Variants in SVEP1 observed in about 807,000 individuals in gnomAD.
SVEP1 encodes the protein sushi, von Willebrand factor type A, EGF and pentraxin domain containing 1.
SVEP1 carries 164 observed loss-of-function variants against 367.3 expected under a neutral mutation model. The observed-to-expected ratio is 0.45, with a 90% CI of 0.39 to 0.51. SVEP1 has a LOEUF of 0.51. Among genes scored for constraint, SVEP1 ranks in the 20% least tolerant of loss-of-function variants. SVEP1 has a pLI of 0.00. For synonymous variants in SVEP1, 1,666 were observed against 1,611.6 expected (o/e 1.03, Z -0.81); for missense variants, 4,117 against 4,425.3 (o/e 0.93, Z 1.98).
intron 17 of SVEP1, 149 bp downstream of exon 17, chr9:110,468,791 G>A: frequency 1.4e-6 from 1 of 694,480 alleles, no homozygotes; most frequent in Non-Finnish European, 2.2e-6. Context: ...TTGAATAAAT[G>A]TGTATGCTTT....
In SVEP1 at chr9:110,369,924, T is replaced by C. The variant is rs751946841; in HGVS notation, c.10693A>G (p.Arg3565Gly). 149 of 1,611,750 alleles carry C rather than the reference T, an allele frequency of 9.2e-5. No individual in the cohort carries two copies. The highest frequency in any genetic ancestry group is 1.2e-4 in the Non-Finnish European group (144 of 1,178,936). The change falls in exon 47 of 48, where the codon AGG becomes GGG. Residue 3565 changes from arginine to glycine, a missense_variant and splice_region_variant. Around this residue, in one of 4 missense-constraint regions of SVEP1, gnomAD observed 1,765 missense variants for 1,781.1 expected, o/e 0.99. Coordinates refer to ENST00000374469, the MANE Select transcript of SVEP1 (RefSeq NM_153366.4). ...LSSWTGHNCS[R>G]KRRTGF ...AACATTAGTTTTTGGTTATCTTACC[T>C]GGAACAGTTATGTCCCGTCCAAGAA...
chr9:110,402,345 T>A (rs1462892486), intron 39 of SVEP1, among the ~76,000 whole-genome samples: 13 of 152,168 alleles, frequency 8.5e-5, no homozygotes, highest in Non-Finnish European at 1.5e-5. Context: ...TCTTTCAGTA[T>A]TCATTTTTCA....
intron 5 of SVEP1, among the ~76,000 whole-genome samples, chr9:110,508,233 T>G (rs1829653668): frequency 6.6e-6 from 1 of 152,164 alleles, no homozygotes; most frequent in African/African-American, 2.4e-5. Context: ...AAGAGAAAAG[T>G]CTACTTGTAG....
At chr9:110,551,692 C>T (rs1464334647) in intron 1 of SVEP1, among the ~76,000 whole-genome samples, 1 of 152,112 alleles carries the variant, frequency 6.6e-6, no homozygotes, top group Non-Finnish European at 1.5e-5. Context: ...GTTTAAAAAG[C>T]TGCCCTCTTG....
intron 9 of SVEP1, among the ~76,000 whole-genome samples, chr9:110,486,166 A>C (rs1177474781): frequency 6.6e-6 from 1 of 152,252 alleles, no homozygotes; most frequent in African/African-American, 2.4e-5. Context: ...GTACTTTGAG[A>C]ATGCTGAATC....
chr9:110,579,609 C>A lies in SVEP1; in HGVS notation c.-66G>T. The A allele has an allele frequency of 6.9e-7, 1 of 1,458,764 alleles. No individual in the cohort carries two copies. The allele number at this position is 1,458,764 out of a possible 1,614,324, so 90.4% of individuals were successfully genotyped here. On this transcript the variant is annotated 5_prime_UTR_variant, in exon 1 of 48. Transcript: ENST00000374469. The surrounding 1 kb of genome is among the most constrained non-coding windows in gnomAD (Gnocchi z 5.3). Reference sequence around the variant, plus strand: ...GGCTCGGGCGGGAAGAGGCGCTGGGCGGCCGGACTCGCAGAGGGGCGTGCG... The same window carrying A: ...GGCTCGGGCGGGAAGAGGCGCTGGGAGGCCGGACTCGCAGAGGGGCGTGCG...
Position 110,465,909 on chromosome 9 carries a change from G to T in SVEP1, c.3278C>A (p.Thr1093Asn). 1 of 1,613,112 alleles carries T rather than the reference G, an allele frequency of 6.2e-7. No individual in the cohort carries two copies. The highest frequency in any genetic ancestry group is 2.2e-5 in the East Asian group (1 of 44,874). ...SRSCLSCPEN[T>N]STVKRGAVNI... is the part of the protein sequence containing the mutation. ...CACGGCTCCTCTTTTCACAGTTGAG[G>T]TGTTTTCTGGACACGAGAGGCAGCT... Residue 1093 changes from threonine to asparagine, a missense_variant, in exon 18 of 48, where the codon ACC becomes AAC. Around this residue, in one of 4 missense-constraint regions of SVEP1, gnomAD observed 2,174 missense variants for 2,494.3 expected, o/e 0.87. Coordinates refer to ENST00000374469, the MANE Select transcript of SVEP1 (RefSeq NM_153366.4).
At chr9:110,460,266 G>A (rs1304666615) in intron 18 of SVEP1, among the ~76,000 whole-genome samples, 3 of 151,950 alleles carry the variant, frequency 2.0e-5, no homozygotes, top group South Asian at 2.1e-4. Flanking sequence ...GATAATTTAC[G>A]TTGCATAACT....
intron 44 of SVEP1, among the ~76,000 whole-genome samples, chr9:110,378,097 C>G (rs1827378677): frequency 2.0e-5 from 3 of 150,910 alleles, no homozygotes; most frequent in Non-Finnish European, 4.4e-5. Context: ...CTATTTTTAT[C>G]TGCATGTCTA....
At chr9:110,547,155 A>G (rs1402696147) in intron 2 of SVEP1, among the ~76,000 whole-genome samples, 1 of 152,126 alleles carries the variant, frequency 6.6e-6, no homozygotes, top group Non-Finnish European at 1.5e-5. Flanking sequence ...ATCCATCTCC[A>G]TGCATCTAGA....
At chr9:110,532,854 C>G (rs965939418) in intron 3 of SVEP1, among the ~76,000 whole-genome samples, 2 of 152,014 alleles carry the variant, frequency 1.3e-5, no homozygotes, top group Non-Finnish European at 1.5e-5. Context: ...TGCCGAATGT[C>G]CCCTGGGGAG....
chr9:110,572,646 G>C (rs1830577717), intron 1 of SVEP1, among the ~76,000 whole-genome samples: 1 of 152,014 alleles, frequency 6.6e-6, no homozygotes, highest in Non-Finnish European at 1.5e-5. Flanking sequence ...CTGGTCACTT[G>C]AGCCCAGGAG....
chr9:110,390,409 TTATC>T lies in SVEP1; in HGVS notation c.9823-826_9823-823del, dbSNP rs557759663. Among the ~76,000 whole-genome samples, 10 of 117,970 alleles carry T rather than the reference TTATC, an allele frequency of 8.5e-5. No individual in the cohort carries two copies. The South Asian group carries it at 2.5e-3, about 30-fold the overall frequency. The allele number at this position is 117,970 out of a possible 152,430, so 77.4% of individuals were successfully genotyped here. A position where few individuals can be genotyped will look rare whatever the true frequency, so the allele number is the denominator to read the frequency against. On this transcript the variant is annotated intron_variant, in intron 40 of 47. Coordinates refer to ENST00000374469, the MANE Select transcript of SVEP1 (RefSeq NM_153366.4). ...TATATACTTATATCTCACATTTTCT[TTATC>T]CATTCATCCATCGATGACACCCAAC...
intron 35 of SVEP1, among the ~76,000 whole-genome samples, chr9:110,428,517 A>G (rs1396278088): frequency 1.3e-5 from 2 of 152,084 alleles, no homozygotes; most frequent in Non-Finnish European, 2.9e-5. Context: ...TACGTTTGGT[A>G]AGCTGTTTAT....
chr9:110,487,891 A>G (rs1387199921), intron 9 of SVEP1, among the ~76,000 whole-genome samples: 1 of 152,192 alleles, frequency 6.6e-6, no homozygotes, highest in Non-Finnish European at 1.5e-5. Context: ...CATGAACCCA[A>G]CCAGCTTGGG....
intron 8 of SVEP1, among the ~76,000 whole-genome samples, chr9:110,491,590 G>GT (rs1554719181): frequency 6.8e-6 from 1 of 147,732 alleles, no homozygotes; most frequent in African/African-American, 2.5e-5. Context: ...TATAGAATGG[G>GT]GTGTGTGTGT....
chr9:110,431,866 G>C, intron 32 of SVEP1, 49 bp downstream of exon 32: 1 of 1,606,744 alleles, frequency 6.2e-7, no homozygotes, highest in East Asian at 2.2e-5. Flanking sequence ...ATATGTACTT[G>C]AATAAAAGAA....
At chr9:110,540,296 T>A (rs1352249553) in intron 3 of SVEP1, among the ~76,000 whole-genome samples, 1 of 152,040 alleles carries the variant, frequency 6.6e-6, no homozygotes, top group East Asian at 1.9e-4. Context: ...GCAATACTGT[T>A]CCCTTAGCTG....
At chr9:110,401,030 T>C (rs1827852355) in intron 39 of SVEP1, 21 bp from the exon 40 acceptor site, 2 of 1,611,908 alleles carry the variant, frequency 1.2e-6, no homozygotes, top group African/African-American at 2.7e-5. Flanking sequence ...AATAACAAAA[T>C]GTAAGTTATG....
Sources: allele counts gnomAD v4.1 joint callset (sites outside exome capture counted in the v4.1 genomes callset), GRCh38; gene constraint gnomAD v4.1.1; regional missense constraint gnomAD v4.1.1; non-coding constraint Gnocchi (gnomAD v3.1); transcripts MANE v1.5; gene names NCBI Gene and HGNC (gene_info 2026-07-23, HGNC 2026-07-21).